The following SLC35D1 variants were observed in gnomAD, a reference collection of about 807,000 sequenced individuals.
The protein encoded by SLC35D1 is solute carrier family 35 member D1.
In SLC35D1, 31 loss-of-function variants were observed where a neutral mutation model predicts 46.7. The observed-to-expected ratio is 0.66, with a 90% confidence interval of 0.50 to 0.90. The LOEUF is 0.90. Ranked by LOEUF, SLC35D1 falls within the 40% of genes least tolerant of loss-of-function variation. The pLI is 0.00. For missense variants in SLC35D1, 397 were observed against 426.2 expected (o/e 0.93, Z 0.60); for synonymous variants, 195 against 164.6 (o/e 1.18, Z -1.41).
At chr1:67,021,889 C>T (rs1393129807) in intron 8 of SLC35D1, among the ~76,000 whole-genome samples, 2 of 152,162 alleles carry the variant, frequency 1.3e-5, no homozygotes, top group Non-Finnish European at 2.9e-5. Flanking sequence ...GGATTTTATA[C>T]TTCTCACTAT....
chr1:66,996,434 C>G (rs1193486419), downstream of SLC35D1, among the ~76,000 whole-genome samples: 1 of 152,186 alleles, frequency 6.6e-6, no homozygotes, highest in Non-Finnish European at 1.5e-5. Context: ...GAAACGAGAA[C>G]CTAGCATGGT....
At chr1:66,977,533 T>C in the SLC35D1 span, among the ~76,000 whole-genome samples, 1 of 152,210 alleles carries the variant, frequency 6.6e-6, no homozygotes, top group African/African-American at 2.4e-5. Context: ...TGTAGTCCCA[T>C]TGACACAGAT....
intron 10 of SLC35D1, among the ~76,000 whole-genome samples, chr1:67,016,322 G>A (rs900620504): frequency 4.6e-5 from 7 of 151,754 alleles, no homozygotes; most frequent in African/African-American, 1.5e-4. Context: ...GATTCTTCTC[G>A]AAATGTAGTT....
At chr1:66,983,472 A>T in the SLC35D1 span, among the ~76,000 whole-genome samples, 29 of 150,598 alleles carry the variant, frequency 1.9e-4, no homozygotes, top group African/African-American at 6.2e-4. Context: ...GATGCACCCT[A>T]TATTTTACTT....
intron 8 of SLC35D1, 110 bp from the exon 9 acceptor site, chr1:67,021,712 G>GACACAC (rs1238454225): frequency 3.5e-4 from 124 of 353,488 alleles, no homozygotes; most frequent in African/African-American, 2.8e-3. Flanking sequence ...CACAGACACA[G>GACACAC]ACACAGACAC....
At chr1:67,033,297 C>G (rs1668055642) in intron 8 of SLC35D1, among the ~76,000 whole-genome samples, 1 of 152,038 alleles carries the variant, frequency 6.6e-6, no homozygotes, top group African/African-American at 2.4e-5. Context: ...TTTTGAGGAA[C>G]CTCCAAACTG....
At chr1:67,021,722 C>T (rs1667808355) in intron 8 of SLC35D1, 120 bp from the exon 9 acceptor site, 2 of 463,520 alleles carry the variant, frequency 4.3e-6, no homozygotes, top group Middle Eastern at 4.1e-4. Context: ...GACACAGACA[C>T]AGACACACAC....
the SLC35D1 span, chr1:66,988,285 A>G: frequency 6.6e-6 from 1 of 152,350 alleles, no homozygotes; most frequent in African/African-American, 2.4e-5. Context: ...CTTTTTCTGT[A>G]TCACATAATT....
chr1:66,989,768 C>G, the SLC35D1 span, among the ~76,000 whole-genome samples: 6 of 152,174 alleles, frequency 3.9e-5, no homozygotes, highest in African/African-American at 1.4e-4. Context: ...TGAGCTTAAA[C>G]ATTTTTAAAA....
intron 8 of SLC35D1, among the ~76,000 whole-genome samples, chr1:67,028,996 T>G (rs1280662127): frequency 6.6e-6 from 1 of 152,218 alleles, no homozygotes; most frequent in East Asian, 1.9e-4. Context: ...TTGATAAATG[T>G]TTGATTTTCT....
chr1:67,008,364 C>T (rs1010955252), intron 11 of SLC35D1: 3 of 1,247,876 alleles, frequency 2.4e-6, no homozygotes, highest in Non-Finnish European at 3.1e-6. Context: ...GTCTTGATCT[C>T]TTGACCTTGT....
downstream of SLC35D1, among the ~76,000 whole-genome samples, chr1:66,995,439 A>AAAAAAAAAAAAAAAAAAAC: frequency 9.9e-5 from 1 of 10,098 alleles, no homozygotes; most frequent in Non-Finnish European, 1.9e-4. Context: ...ACGCTAAAAA[A>AAAAAAAAAAAAAAAAAAAC]AAAAAAAAAA....
chr1:67,042,642 A>G (rs1243085483), intron 7 of SLC35D1, among the ~76,000 whole-genome samples: 1 of 152,214 alleles, frequency 6.6e-6, no homozygotes, highest in Non-Finnish European at 1.5e-5. Flanking sequence ...TTTTGAACAC[A>G]TACACACACA....
chr1:66,979,919 C>T, the SLC35D1 span, among the ~76,000 whole-genome samples: 1 of 152,084 alleles, frequency 6.6e-6, no homozygotes, highest in Non-Finnish European at 1.5e-5. Flanking sequence ...CATGCGCCAC[C>T]ACACCCGGCT....
intron 1 of SLC35D1, among the ~76,000 whole-genome samples, chr1:67,053,354 T>A (rs568098450): frequency 6.6e-6 from 1 of 151,582 alleles, no homozygotes; most frequent in Non-Finnish European, 1.5e-5. Flanking sequence ...AATAATTGTC[T>A]GCTGGGTTGA....
intron 8 of SLC35D1, among the ~76,000 whole-genome samples, chr1:67,038,078 C>T (rs1458548918): frequency 6.6e-6 from 1 of 152,094 alleles, no homozygotes; most frequent in Admixed American, 6.5e-5. Flanking sequence ...AATATACTGG[C>T]AAAGAGAAAG....
chr1:66,984,726 A>G, the SLC35D1 span: 3 of 1,613,922 alleles, frequency 1.9e-6, no homozygotes, highest in Admixed American at 5.0e-5. Flanking sequence ...CCACTGACCC[A>G]AAACTTGCCC....
At chr1:67,042,858 G>A (rs1017505005) in intron 7 of SLC35D1, among the ~76,000 whole-genome samples, 14 of 152,148 alleles carry the variant, frequency 9.2e-5, no homozygotes, top group Non-Finnish European at 1.8e-4. Flanking sequence ...GAGCCCAGGA[G>A]TTCAAGACCA....
chr1:66,985,431 A>G, the SLC35D1 span: 1 of 983,334 alleles, frequency 1.0e-6, no homozygotes, highest in Non-Finnish European at 1.2e-6. Flanking sequence ...AAATTATGCT[A>G]GCATGATTTT....
Sources: gnomAD v4.1 joint callset for allele counts (sites outside exome capture counted in the v4.1 genomes callset) on GRCh38, gnomAD v4.1.1 for gene constraint, MANE v1.5 for transcripts, NCBI Gene and HGNC (gene_info 2026-07-23, HGNC 2026-07-21) for gene names.